Variants in ROCK2 observed in about 807,000 individuals in gnomAD.
ROCK2 encodes the protein Rho associated coiled-coil containing protein kinase 2.
In ROCK2, 61 loss-of-function variants were observed where a neutral mutation model predicts 195.1. The observed-to-expected ratio is 0.31, with a 90% CI of 0.25 to 0.39. The LOEUF (loss-of-function observed/expected upper bound fraction) is 0.39, where lower values mean the gene tolerates loss of function less well. Ranked by LOEUF, ROCK2 falls within the 10% of genes least tolerant of loss-of-function variation. The pLI is 1.00. For missense variants in ROCK2, 1,109 were observed against 1,637.4 expected, an observed-to-expected ratio of 0.68 and a Z score of 5.57; for synonymous variants, 504 against 545.5, an observed-to-expected ratio of 0.92 and a Z score of 1.06.
intron 27 of ROCK2, chr2:11,195,232 T>C (rs1228996906): frequency 6.0e-6 from 2 of 331,236 alleles, no homozygotes; most frequent in African/African-American, 4.3e-5. Flanking sequence ...TTATATCATA[T>C]TGGAAACAGA....
At chr2:11,240,449 T>G (rs947931251) in intron 4 of ROCK2, among the ~76,000 whole-genome samples, 1 of 152,252 alleles carries the variant, frequency 6.6e-6, no homozygotes, top group Non-Finnish European at 1.5e-5. Context: ...AGGGATGAAG[T>G]ATAACAAACG....
chr2:11,202,182 C>G (rs2148045712), intron 20 of ROCK2, 61 bp from the exon 21 acceptor site: 1 of 1,365,790 alleles, frequency 7.3e-7, no homozygotes. Flanking sequence ...GAGCAGCTCT[C>G]AAAGTATGGT....
chr2:11,315,280 G>A (rs533391575), intron 1 of ROCK2, among the ~76,000 whole-genome samples: 1 of 152,112 alleles, frequency 6.6e-6, no homozygotes, highest in African/African-American at 2.4e-5. Flanking sequence ...ACAAGGAATG[G>A]TTAAGCAATT....
At chr2:11,314,977 T>G (rs1309260455) in intron 1 of ROCK2, among the ~76,000 whole-genome samples, 1 of 152,010 alleles carries the variant, frequency 6.6e-6, no homozygotes, top group Non-Finnish European at 1.5e-5. Flanking sequence ...AAAAATCCAA[T>G]TATCTAAGTT....
At chr2:11,238,207 AGAGTGT>A (rs1302622174) in intron 4 of ROCK2, among the ~76,000 whole-genome samples, 5 of 36,042 alleles carry the variant, frequency 1.4e-4, no homozygotes, top group Admixed American at 6.8e-4. Flanking sequence ...AAATTGAGAA[AGAGTGT>A]GTGTGTGTGT....
chr2:11,295,888 C>T (rs1446612961), intron 1 of ROCK2, among the ~76,000 whole-genome samples: 6 of 150,994 alleles, frequency 4.0e-5, no homozygotes, highest in Admixed American at 6.6e-5. Flanking sequence ...ACCCAAGAGG[C>T]GGAGCTTGCA....
intron 3 of ROCK2, among the ~76,000 whole-genome samples, chr2:11,254,720 T>G: frequency 2.3e-5 from 2 of 87,114 alleles, no homozygotes; most frequent in Admixed American, 1.7e-4. Flanking sequence ...AGTGAGACCC[T>G]GTCTCTTAAA....
intron 1 of ROCK2, among the ~76,000 whole-genome samples, chr2:11,317,592 A>ATATATATATATATATATC (rs1668245576): frequency 7.1e-5 from 1 of 14,076 alleles, no homozygotes; most frequent in African/African-American, 2.2e-4. Context: ...ATATATATAT[A>ATATATATATATATATATC]TATATATATA....
Position 11,344,463 on chromosome 2 carries a change from G to T in ROCK2, c.-327C>A. The stretch of plus-strand genomic sequence containing the variant: ...GGAGTCCTCGGGCGGGAGCAGGGAA[G>T]TGGCGCCGCCACCGCCGCGGCCCGG... On this transcript the variant is annotated 5_prime_UTR_variant, in exon 1 of 33. Coordinates refer to ENST00000315872, the MANE Select transcript of ROCK2 (RefSeq NM_004850.5). The surrounding 1 kb of genome is among the most constrained non-coding windows in gnomAD (Gnocchi z 5.4). 1 of 1,010,398 alleles carries T rather than the reference G, an allele frequency of 9.9e-7. No homozygotes were observed. Among genetic ancestry groups the T allele is most frequent in the East Asian group, 9.4e-5 (1 of 10,678 alleles). The allele number at this position is 1,010,398 out of a possible 1,614,324, so 62.6% of individuals were successfully genotyped here.
intron 1 of ROCK2, among the ~76,000 whole-genome samples, chr2:11,340,127 G>A (rs1669057294): frequency 6.6e-6 from 1 of 152,002 alleles, no homozygotes; most frequent in Admixed American, 6.6e-5. Flanking sequence ...CTTACCCTGG[G>A]ACCAAAATGT....
intron 1 of ROCK2, among the ~76,000 whole-genome samples, chr2:11,317,612 A>AT (rs1553317464): frequency 0.011 from 216 of 19,302 alleles, 29 homozygotes; most frequent in African/African-American, 0.027. Flanking sequence ...ATATATATAT[A>AT]TTTTTTTTTT....
rs187518855 is a variant in ROCK2 at position 11,285,864 on chromosome 2, A to C, written c.324+675T>G. On this transcript the variant is annotated intron_variant, in intron 3 of 32. Coordinates refer to ENST00000315872, the MANE Select transcript of ROCK2 (RefSeq NM_004850.5). Reference sequence around the variant, plus strand: ...AAAGAAACAAAAAACCCAAAGAAAGAAGCAATGAAAGGAAAAAAAAGTCTA... The same window carrying C: ...AAAGAAACAAAAAACCCAAAGAAAGCAGCAATGAAAGGAAAAAAAAGTCTA... 2.0e-5 allele frequency among the ~76,000 whole-genome samples: 3 copies of C among 152,094 alleles called. No homozygotes were observed. In the East Asian group the frequency reaches 5.8e-4, roughly 30 times the overall value.
intron 5 of ROCK2, among the ~76,000 whole-genome samples, chr2:11,228,692 A>T (rs1400264612): frequency 6.6e-6 from 1 of 152,168 alleles, no homozygotes; most frequent in African/African-American, 2.4e-5. Flanking sequence ...TCCTTATTTC[A>T]CATACATCCA....
intron 17 of ROCK2, 102 bp downstream of exon 17, chr2:11,214,255 T>G: frequency 1.5e-6 from 1 of 648,280 alleles, no homozygotes; most frequent in African/African-American, 1.8e-5. Context: ...CATGAGCATG[T>G]GGAAATATTC....
intron 7 of ROCK2, among the ~76,000 whole-genome samples, chr2:11,222,865 C>T (rs1327397066): frequency 2.6e-5 from 4 of 152,098 alleles, no homozygotes; most frequent in Non-Finnish European, 2.9e-5. Context: ...AACTCGTTTT[C>T]AAAATATCAG....
intron 1 of ROCK2, among the ~76,000 whole-genome samples, chr2:11,328,000 G>T (rs985825173): frequency 6.6e-6 from 1 of 152,210 alleles, no homozygotes; most frequent in Non-Finnish European, 1.5e-5. Flanking sequence ...CAAGGGCAAA[G>T]AGTATAGAGA....
At chr2:11,317,590 ATATATATATATATATATATATAT>A (rs1386654103) in intron 1 of ROCK2, among the ~76,000 whole-genome samples, 3 of 13,476 alleles carry the variant, frequency 2.2e-4, no homozygotes, top group Non-Finnish European at 4.5e-4. Context: ...ATATATATAT[ATATATATATATATATATATATAT>A]TTTTTTTTTT....
At chr2:11,312,243 ACT>A (rs1668058814) in intron 1 of ROCK2, among the ~76,000 whole-genome samples, 2 of 152,132 alleles carry the variant, frequency 1.3e-5, no homozygotes, top group Admixed American at 1.3e-4. Context: ...ATTCTTTTAA[ACT>A]CTAAGCTTCG....
At chr2:11,276,273 T>C (rs1666824754) in intron 3 of ROCK2, among the ~76,000 whole-genome samples, 1 of 152,232 alleles carries the variant, frequency 6.6e-6, no homozygotes, top group Non-Finnish European at 1.5e-5. Flanking sequence ...ATCTTTTATG[T>C]AGACAATCCT....
Sources: gnomAD v4.1 joint callset for allele counts (sites outside exome capture counted in the v4.1 genomes callset) on GRCh38, gnomAD v4.1.1 for gene constraint, Gnocchi (gnomAD v3.1) non-coding constraint, MANE v1.5 for transcripts, NCBI Gene and HGNC (gene_info 2026-07-23, HGNC 2026-07-21) for gene names.